Variants in CDH8 observed in about 807,000 individuals in gnomAD.
CDH8 encodes the protein cadherin-8.
Under a neutral mutation model 68.1 loss-of-function variants are expected in CDH8, and 17 were observed. The observed-to-expected ratio is 0.25, with a 90% CI of 0.17 to 0.37. The LOEUF (loss-of-function observed/expected upper bound fraction) is 0.37. Ranked by LOEUF, CDH8 falls within the 10% of genes least tolerant of loss-of-function variation. The pLI, the probability that CDH8 is intolerant of heterozygous loss-of-function variation, is 1.00. For missense variants in CDH8, 763 were observed against 999.3 expected (o/e 0.76, Z 3.19); for synonymous variants, 372 against 365.1 (o/e 1.02, Z -0.21).
At chr16:62,000,533 T>C (rs1965877992) in intron 2 of CDH8, among the ~76,000 whole-genome samples, 1 of 152,236 alleles carries the variant, frequency 6.6e-6, no homozygotes, top group African/African-American at 2.4e-5. Context: ...AAAAAAAGCA[T>C]GCATCTATTT....
intron 10 of CDH8, among the ~76,000 whole-genome samples, chr16:61,702,287 G>C (rs961602209): frequency 2.6e-5 from 4 of 152,152 alleles, no homozygotes; most frequent in Non-Finnish European, 4.4e-5. Flanking sequence ...CAGGAGAATG[G>C]CGTGAGCCCG....
chr16:61,959,863 G>T (rs925340291), intron 2 of CDH8, among the ~76,000 whole-genome samples: 4 of 145,672 alleles, frequency 2.7e-5, no homozygotes, highest in Admixed American at 6.9e-5. Context: ...ATGTATATAT[G>T]TGTGCATATA....
At chr16:61,970,103 C>A (rs1965314818) in intron 2 of CDH8, among the ~76,000 whole-genome samples, 1 of 152,104 alleles carries the variant, frequency 6.6e-6, no homozygotes, top group Non-Finnish European at 1.5e-5. Context: ...TACAAGGTCA[C>A]CCCATTATTA....
intron 10 of CDH8, among the ~76,000 whole-genome samples, chr16:61,670,088 T>C (rs1288812052): frequency 2.0e-5 from 3 of 152,066 alleles, no homozygotes; most frequent in East Asian, 3.9e-4. Context: ...TCCTACAATC[T>C]CTTTCTTGGT....
Position 61,995,587 on chromosome 16 carries a change from CA to C in CDH8, c.252+25564del, listed in dbSNP as rs564689288. On this transcript the variant is annotated intron_variant, in intron 2 of 11. Transcript: ENST00000577390. The stretch of plus-strand genomic sequence containing the variant: ...AGAGACAGAGTTTCACCGTGTTAGC[CA>C]GGATGGTCTCAGTCTCCTAATCTTG... Among the ~76,000 whole-genome samples, 191 of 152,284 alleles carry C rather than the reference CA, an allele frequency of 1.3e-3. 1 individual carries two copies. The highest frequency in any genetic ancestry group is 4.5e-3 in the African/African-American group (189 of 41,560).
Position 61,789,461 on chromosome 16 carries a change from A to C in CDH8, c.1299T>G (p.Thr433=). 6.2e-7 allele frequency: 1 copy of C among 1,612,908 alleles called. No individual in the cohort carries two copies. Among genetic ancestry groups the C allele is most frequent in the Non-Finnish European group, 8.5e-7 (1 of 1,179,282 alleles). ...SPIRFSIDRH[T]DLERQFNINA... is the part of the protein sequence containing the mutation. Reference sequence around the variant, plus strand: ...TAATGTTGAACTGCCTCTCCAGGTCAGTGTGCCGGTCGATGGAAAACCTAC... The same window carrying C: ...TAATGTTGAACTGCCTCTCCAGGTCCGTGTGCCGGTCGATGGAAAACCTAC... The change falls in exon 8 of 12, where the codon ACT becomes ACG. Residue 433 remains threonine (T), a synonymous_variant. Transcript: ENST00000577390.
chr16:61,774,168 C>T (rs1035656207), intron 8 of CDH8, among the ~76,000 whole-genome samples: 12 of 152,024 alleles, frequency 7.9e-5, no homozygotes, highest in Admixed American at 3.9e-4. Context: ...AACTGATAAA[C>T]GGGCTTGTTG....
intron 8 of CDH8, among the ~76,000 whole-genome samples, chr16:61,774,054 G>T (rs568922821): frequency 3.9e-5 from 6 of 152,148 alleles, no homozygotes; most frequent in African/African-American, 1.4e-4. Flanking sequence ...CAGTTTCTAA[G>T]CTTTGGATTA....
At position 61,714,575 on chromosome 16, in the gene CDH8, C is replaced by T. The variant is rs115952402; in HGVS notation, c.1537-617G>A. Among the ~76,000 whole-genome samples, 1,145 of 151,610 alleles carry T rather than the reference C, an allele frequency of 7.6e-3. 9 individuals are homozygous for T. Among genetic ancestry groups the T allele is most frequent in the African/African-American group, 0.026 (1,075 of 41,424 alleles). On this transcript the variant is annotated intron_variant, in intron 9 of 11. Coordinates refer to ENST00000577390, the MANE Select transcript of CDH8 (RefSeq NM_001796.5). Reference sequence around the variant, plus strand: ...TAAATTATAGGGATTAGAATTACCACGGTGCAGAGAAATGTTTGGATAGAT... The same window carrying T: ...TAAATTATAGGGATTAGAATTACCATGGTGCAGAGAAATGTTTGGATAGAT...
intron 2 of CDH8, among the ~76,000 whole-genome samples, chr16:61,909,596 C>T (rs1004041724): frequency 6.6e-6 from 1 of 152,100 alleles, no homozygotes; most frequent in Admixed American, 6.5e-5. Flanking sequence ...TATAAAGACC[C>T]TCAGGAAAGC....
intron 8 of CDH8, among the ~76,000 whole-genome samples, chr16:61,747,294 T>C (rs764045203): frequency 1.1e-4 from 16 of 152,132 alleles, no homozygotes; most frequent in Non-Finnish European, 1.9e-4. Flanking sequence ...GTTTTCGATG[T>C]ACTTGCAGAG....
At chr16:61,847,538 T>TTATATATATATATATATATA (rs56946081) in intron 4 of CDH8, among the ~76,000 whole-genome samples, 7 of 136,740 alleles carry the variant, frequency 5.1e-5, no homozygotes, top group East Asian at 4.3e-4. Context: ...TCCAATCATT[T>TTATATATATATATATATATA]TATATATATA....
At chr16:61,871,901 T>C (rs1317034433) in intron 3 of CDH8, among the ~76,000 whole-genome samples, 1 of 135,016 alleles carries the variant, frequency 7.4e-6, no homozygotes, top group Non-Finnish European at 1.6e-5. Context: ...TCACCGTACA[T>C]ATTTTGAAAC....
At position 61,652,036 on chromosome 16, in the gene CDH8, A is replaced by G; in HGVS notation, c.*1572T>C. The G allele has an allele frequency of 2.3e-6, 2 of 867,344 alleles. No individual in the cohort carries two copies. Among genetic ancestry groups the G allele is most frequent in the Non-Finnish European group, 2.8e-6 (2 of 722,496 alleles). The allele number at this position is 867,344 out of a possible 1,614,324, so 53.7% of individuals were successfully genotyped here. ...GTATTTATAAAAATATATTTCACAA[A>G]GTAGGAAACAATACAGGAGTTTCTC... On this transcript the variant is annotated 3_prime_UTR_variant, in exon 12 of 12. Coordinates refer to ENST00000577390, the MANE Select transcript of CDH8 (RefSeq NM_001796.5).
chr16:61,765,378 T>C (rs941638584), intron 8 of CDH8, among the ~76,000 whole-genome samples: 5 of 152,028 alleles, frequency 3.3e-5, no homozygotes, highest in African/African-American at 1.2e-4. Flanking sequence ...ATAGCCATGA[T>C]TTCAAAGATT....
At chr16:61,753,792 C>G (rs1184653424) in intron 8 of CDH8, among the ~76,000 whole-genome samples, 1 of 151,954 alleles carries the variant, frequency 6.6e-6, no homozygotes, top group Middle Eastern at 3.2e-3. Flanking sequence ...TAATATGTAC[C>G]ATGTCAGAAA....
chr16:61,682,661 T>C (rs1964035518), intron 10 of CDH8, among the ~76,000 whole-genome samples: 1 of 89,642 alleles, frequency 1.1e-5, no homozygotes, highest in South Asian at 2.9e-4. Context: ...ATAAAGAAGT[T>C]TAAGAAAAAA....
At chr16:61,986,703 AG>A (rs1316102222) in intron 2 of CDH8, among the ~76,000 whole-genome samples, 1 of 152,210 alleles carries the variant, frequency 6.6e-6, no homozygotes, top group African/African-American at 2.4e-5. Flanking sequence ...GTATGAAGGT[AG>A]ATTAGAGAAT....
At chr16:61,820,429 T>C (rs1246296371) in intron 6 of CDH8, among the ~76,000 whole-genome samples, 3 of 147,100 alleles carry the variant, frequency 2.0e-5, no homozygotes, top group Non-Finnish European at 3.0e-5. Context: ...AGTTCAAACA[T>C]GTGGAGAGTT....
Sources: allele counts gnomAD v4.1 joint callset (sites outside exome capture counted in the v4.1 genomes callset), GRCh38; gene constraint gnomAD v4.1.1; transcripts MANE v1.5; gene names NCBI Gene and HGNC (gene_info 2026-07-23, HGNC 2026-07-21).